RNF182: variants seen among roughly 807,000 people sequenced by gnomAD.
RNF182 encodes ring finger protein 182, also known as E3 ubiquitin-protein ligase RNF182.
A neutral mutation model predicts 14.4 loss-of-function variants in RNF182; 15 were observed. The observed-to-expected ratio is 1.04, with a 90% CI of 0.70 to 1.60. The LOEUF is 1.60. Ranked by LOEUF, RNF182 falls within the 40% of genes most tolerant of loss-of-function variation. RNF182 has a pLI of 0.00. For synonymous variants in RNF182, 128 were observed against 122.9 expected (o/e 1.04, Z -0.27); for missense variants, 268 against 294.8 (o/e 0.91, Z 0.67).
intron 1 of RNF182, among the ~76,000 whole-genome samples, chr6:13,973,845 A>T (rs1486888664): frequency 6.6e-6 from 1 of 152,160 alleles, no homozygotes; most frequent in Non-Finnish European, 1.5e-5. Flanking sequence ...TTTACCACCT[A>T]AGCTTGCACC....
At chr6:13,928,675 T>A (rs1758892301) in intron 1 of RNF182, among the ~76,000 whole-genome samples, 1 of 152,380 alleles carries the variant, frequency 6.6e-6, no homozygotes, top group African/African-American at 2.4e-5. Flanking sequence ...GAATCTGGGA[T>A]CCTGTTAGGT....
Position 13,977,401 on chromosome 6 carries a change from A to C in RNF182, c.282A>C (p.Gly94=). 6.2e-7 allele frequency: 1 copy of C among 1,614,078 alleles called. No homozygotes were observed. Among genetic ancestry groups the C allele is most frequent in the Non-Finnish European group, 8.5e-7 (1 of 1,180,012 alleles). ...DNNILVNLTC[G]GKGKKCLPEN... ...ACATCCTTGTAAACTTGACTTGTGG[A>C]GGCAAAGGGAAGAAGTGCCTGCCAG... The change falls in exon 3 of 3, where the codon GGA becomes GGC. Residue 94 remains glycine (G), a synonymous_variant. Transcript: ENST00000488300.
upstream of RNF182, chr6:13,924,945 C>G (rs1436417559): frequency 7.2e-6 from 1 of 138,388 alleles, no homozygotes; most frequent in Non-Finnish European, 1.6e-5. Context: ...GCGAGCTCCT[C>G]CTCCACGGGA....
chr6:13,954,671 C>T (rs1192468870), intron 1 of RNF182, among the ~76,000 whole-genome samples: 1 of 152,096 alleles, frequency 6.6e-6, no homozygotes, highest in Non-Finnish European at 1.5e-5. Flanking sequence ...AAAGATTGGG[C>T]ATCCTTGGTC....
intron 1 of RNF182, chr6:13,949,563 A>T (rs1759530503): frequency 1.1e-5 from 5 of 466,768 alleles, no homozygotes; most frequent in Non-Finnish European, 2.0e-5. Context: ...ACCCAGAGTG[A>T]ACTCTTAGAT....
At chr6:13,930,843 A>G (rs1561774175) in intron 1 of RNF182, among the ~76,000 whole-genome samples, 1 of 152,242 alleles carries the variant, frequency 6.6e-6, no homozygotes, top group Non-Finnish European at 1.5e-5. Context: ...AAGGCTAATA[A>G]ATAGCTTATC....
rs756783215 is a variant in RNF182 at position 13,977,200 on chromosome 6, C to T, written c.81C>T (p.Tyr27=). The change falls in exon 3 of 3, where the codon TAC becomes TAT. Residue 27 remains tyrosine, a synonymous_variant. Transcript: ENST00000488300. ...AGTGCAAAATCTGTTACAATCGATA[C>T]AATCTGAAACAGAGGAAACCCAAAG... ...ELECKICYNR[Y]NLKQRKPKVL... 2.2e-5 allele frequency: 36 copies of T among 1,613,966 alleles called. No homozygotes were observed. The South Asian group carries it at 2.5e-4, about 11-fold the overall frequency.
At chr6:13,930,762 T>C (rs1758947270) in intron 1 of RNF182, among the ~76,000 whole-genome samples, 1 of 152,238 alleles carries the variant, frequency 6.6e-6, no homozygotes, top group African/African-American at 2.4e-5. Flanking sequence ...TGGTGCCAGG[T>C]ACGCTATTAA....
Position 13,977,825 on chromosome 6 carries a change from T to C in RNF182, c.706T>C (p.Cys236Arg). 2.5e-6 allele frequency: 4 copies of C among 1,614,076 alleles called. No homozygotes were observed. Among genetic ancestry groups the C allele is most frequent in the African/African-American group, 1.3e-5 (1 of 75,036 alleles). The change falls in exon 3 of 3, where the codon TGT becomes CGT. Residue 236 changes from cysteine (C) to arginine (R), a missense_variant. Transcript: ENST00000488300. The stretch of plus-strand genomic sequence containing the variant: ...GGTGTATGGTTTTTGCCAGTGTGTT[T>C]GTCATGAATTTCTAGACTGTATGGC... ...LMVYGFCQCV[C>R]HEFLDCMAPP...
At chr6:13,967,554 A>G (rs1760064552) in intron 1 of RNF182, among the ~76,000 whole-genome samples, 1 of 152,226 alleles carries the variant, frequency 6.6e-6, no homozygotes, top group Admixed American at 6.5e-5. Flanking sequence ...ATTTCTTTCT[A>G]GACTACTTAG....
intron 2 of RNF182, among the ~76,000 whole-genome samples, chr6:13,975,086 T>G (rs1581263338): frequency 6.6e-6 from 1 of 152,316 alleles, no homozygotes; most frequent in East Asian, 1.9e-4. Flanking sequence ...AGGGAATGAA[T>G]GGGAGCTTTC....
chr6:13,969,503 G>T (rs897726321), intron 1 of RNF182, among the ~76,000 whole-genome samples: 14 of 152,144 alleles, frequency 9.2e-5, no homozygotes, highest in African/African-American at 3.1e-4. Context: ...CCCCGAAGAA[G>T]TGGGGGCAGT....
intron 1 of RNF182, among the ~76,000 whole-genome samples, chr6:13,925,788 A>G (rs558312077): frequency 3.3e-5 from 5 of 152,232 alleles, no homozygotes; most frequent in African/African-American, 1.2e-4. Flanking sequence ...CTCTGGAGGC[A>G]GGTAGCTGGG....
intron 1 of RNF182, among the ~76,000 whole-genome samples, chr6:13,963,388 TA>T (rs1487537568): frequency 1.3e-5 from 2 of 152,212 alleles, no homozygotes; most frequent in Admixed American, 6.5e-5. Flanking sequence ...TTTGCTTATC[TA>T]TTGTTACAAA....
At chr6:13,927,149 A>G (rs1758851347) in intron 1 of RNF182, among the ~76,000 whole-genome samples, 1 of 152,180 alleles carries the variant, frequency 6.6e-6, no homozygotes. Context: ...GTAGTGGCTT[A>G]TTAATAAGAG....
rs1382804982 is a variant in RNF182 at position 13,977,822 on chromosome 6, G to T, written c.703G>T (p.Val235Phe). 3.1e-6 allele frequency: 5 copies of T among 1,614,004 alleles called. No individual in the cohort carries two copies. Among genetic ancestry groups the T allele is most frequent in the Admixed American group, 3.3e-5 (2 of 60,002 alleles). ...TATGGTGTATGGTTTTTGCCAGTGT[G>T]TTTGTCATGAATTTCTAGACTGTAT... Reference protein sequence around the residue: ...ILMVYGFCQCVCHEFLDCMAP... With the variant: ...ILMVYGFCQCFCHEFLDCMAP... The change falls in exon 3 of 3, where the codon GTT becomes TTT. Residue 235 changes from valine to phenylalanine, a missense_variant. By Grantham distance (50) the Val-to-Phe change is conservative. Transcript: ENST00000488300.
At chr6:13,972,323 C>T (rs1282068536) in intron 1 of RNF182, among the ~76,000 whole-genome samples, 1 of 148,616 alleles carries the variant, frequency 6.7e-6, no homozygotes. Flanking sequence ...AAAAAAAAAG[C>T]AGGGCATAAA....
In RNF182 at chr6:13,978,065, T is replaced by G; in HGVS notation, c.*202T>G. 1.8e-6 allele frequency: 1 copy of G among 565,992 alleles called. No homozygotes were observed. Among genetic ancestry groups the G allele is most frequent in the East Asian group, 3.1e-5 (1 of 32,312 alleles). 35.1% of individuals were successfully genotyped at this position (565,992 alleles called of 1,614,324 possible). ...TTCTACTTAGGGGTTAGCAAAATTG[T>G]ATAAGCTCACACTTCATGGAGCACT... On this transcript the variant is annotated 3_prime_UTR_variant, in exon 3 of 3. Transcript: ENST00000488300.
At chr6:13,924,450 A>T (rs1287393096), upstream of RNF182, 2 of 152,380 alleles carry the variant, frequency 1.3e-5, no homozygotes, top group Non-Finnish European at 2.9e-5. Flanking sequence ...AGCTCCGTGC[A>T]TGCTGCGGCA....
Sources: allele counts gnomAD v4.1 joint callset (sites outside exome capture counted in the v4.1 genomes callset), GRCh38; gene constraint gnomAD v4.1.1; transcripts MANE v1.5; gene names NCBI Gene and HGNC (gene_info 2026-07-23, HGNC 2026-07-21).